Variants in MCTP1 observed in about 807,000 individuals in gnomAD.
MCTP1 encodes the protein multiple C2 and transmembrane domain containing 1.
MCTP1 carries 69 observed loss-of-function variants against 120.6 expected under a neutral mutation model. That is an observed-to-expected ratio of 0.57 (90% confidence interval 0.47 to 0.70). The LOEUF (loss-of-function observed/expected upper bound fraction) is 0.70. MCTP1 is among the 30% of genes least tolerant of loss of function. The pLI is 0.00. For missense variants in MCTP1, 1,203 were observed against 1,248.8 expected (o/e 0.96, Z 0.55); for synonymous variants, 529 against 493.1 (o/e 1.07, Z -0.96).
Position 95,178,359 on chromosome 5 carries a change from C to A in MCTP1, c.720+105497G>T, listed in dbSNP as rs571300074. 3.5e-4 allele frequency among the ~76,000 whole-genome samples: 53 copies of A among 152,338 alleles called. 1 individual carries two copies. In the South Asian group the frequency reaches 0.011, roughly 31 times the overall value. ...CTTATACAGCTGCAGCTGATACGCT[C>A]TGGAAAATGAGACAGAGTCTTGCTC... On this transcript the variant is annotated intron_variant, in intron 1 of 22. Coordinates refer to ENST00000515393, the MANE Select transcript of MCTP1 (RefSeq NM_024717.7).
In MCTP1 at chr5:94,846,563, T is replaced by A. The variant is rs531088574; in HGVS notation, c.2436+21770A>T. ...AATACCTATCAGGTGCTATGCTTAC[T>A]ACCTGGGTAATGGAATTATCTGTAT... On this transcript the variant is annotated intron_variant, in intron 17 of 22. Coordinates refer to ENST00000515393, the MANE Select transcript of MCTP1 (RefSeq NM_024717.7). 7.6e-4 allele frequency among the ~76,000 whole-genome samples: 116 copies of A among 152,344 alleles called. 1 individual carries two copies. Among genetic ancestry groups the A allele is most frequent in the South Asian group, 3.9e-3 (19 of 4,820 alleles).
intron 19 of MCTP1, among the ~76,000 whole-genome samples, chr5:94,727,200 TCAGCAGGAC>T (rs2152681990): frequency 6.6e-6 from 1 of 152,302 alleles, no homozygotes; most frequent in Non-Finnish European, 1.5e-5. Flanking sequence ...GAGGAGGTGG[TCAGCAGGAC>T]CAGGGTTCAG....
At chr5:95,078,737 T>C (rs1054121171) in intron 1 of MCTP1, among the ~76,000 whole-genome samples, 8 of 152,184 alleles carry the variant, frequency 5.3e-5, no homozygotes, top group Admixed American at 1.3e-4. Context: ...CCTACCTAGG[T>C]TCAATTCTGG....
chr5:95,152,355 A>T (rs1485548227), intron 1 of MCTP1, among the ~76,000 whole-genome samples: 3 of 152,248 alleles, frequency 2.0e-5, no homozygotes, highest in Non-Finnish European at 4.4e-5. Context: ...TCAGACTGAA[A>T]TTCAATAGCC....
intron 12 of MCTP1, among the ~76,000 whole-genome samples, chr5:94,874,541 T>G (rs537927591): frequency 1.4e-4 from 21 of 152,264 alleles, no homozygotes; most frequent in Non-Finnish European, 2.2e-4. Flanking sequence ...CATGGTAGTC[T>G]TCTCAATTTT....
chr5:94,708,124 T>C (rs12519472), intron 22 of MCTP1: 23,128 of 158,398 alleles, frequency 0.15, 1,896 homozygotes, highest in East Asian at 0.32. Context: ...CTTCAAAACT[T>C]ACTTGTAACT....
chr5:94,731,895 A>G (rs1352158095), intron 19 of MCTP1, among the ~76,000 whole-genome samples: 1 of 152,220 alleles, frequency 6.6e-6, no homozygotes, highest in African/African-American at 2.4e-5. Flanking sequence ...TCTGAGAATA[A>G]TTTAGATACT....
At chr5:94,711,771 CAAAAAGG>C (rs1217058030) in intron 20 of MCTP1, among the ~76,000 whole-genome samples, 1 of 148,332 alleles carries the variant, frequency 6.7e-6, no homozygotes, top group East Asian at 2.0e-4. Context: ...TTTACTGAGA[CAAAAAGG>C]GAAAAGAAAA....
chr5:94,788,360 T>C (rs907300593), intron 18 of MCTP1, among the ~76,000 whole-genome samples: 23 of 152,190 alleles, frequency 1.5e-4, no homozygotes, highest in Non-Finnish European at 7.3e-5. Flanking sequence ...AGGTATCTCA[T>C]ACAACGCTTT....
intron 17 of MCTP1, among the ~76,000 whole-genome samples, chr5:94,813,778 G>A (rs576406245): frequency 7.2e-5 from 11 of 152,060 alleles, no homozygotes; most frequent in African/African-American, 2.4e-4. Context: ...ACTTGAGTTT[G>A]GAGGTCAAGT....
At chr5:95,106,915 C>T (rs990883495) in intron 1 of MCTP1, among the ~76,000 whole-genome samples, 1 of 152,150 alleles carries the variant, frequency 6.6e-6, no homozygotes, top group African/African-American at 2.4e-5. Flanking sequence ...TATATTTTTA[C>T]AAGCTAATAA....
rs777127080 is a variant in MCTP1, at chr5:94,931,973, T to C, written c.1192A>G (p.Ser398Gly). Residue 398 changes from serine to glycine, a missense_variant, in exon 6 of 23, where the codon AGT (serine) becomes GGT (glycine). Physicochemically the swap from Ser to Gly is moderately conservative, Grantham distance 56 (BLOSUM62 0). Coordinates refer to ENST00000515393, the MANE Select transcript of MCTP1 (RefSeq NM_024717.7). ...SRDVTMLMRK[S>G]WKRSSKELSE... ...ATTACCTTACTTGATCTTTTCCAAC[T>C]CTTCCTCATTAGCATTGTCTGTAAA... 4 of 1,603,854 alleles carry C rather than the reference T, an allele frequency of 2.5e-6. No individual in the cohort carries two copies. The highest frequency in any genetic ancestry group is 3.4e-6 in the Non-Finnish European group (4 of 1,172,122).
intron 12 of MCTP1, among the ~76,000 whole-genome samples, chr5:94,884,304 A>G (rs904843923): frequency 6.6e-6 from 1 of 152,216 alleles, no homozygotes; most frequent in Non-Finnish European, 1.5e-5. Flanking sequence ...GGCTCAATTA[A>G]TTGTACAGAG....
At chr5:95,094,657 A>T (rs954253396) in intron 1 of MCTP1, among the ~76,000 whole-genome samples, 9 of 152,250 alleles carry the variant, frequency 5.9e-5, no homozygotes, top group African/African-American at 2.2e-4. Flanking sequence ...ACATTTCTTC[A>T]TAAGCGGATA....
At chr5:95,172,368 G>T (rs573707091) in intron 1 of MCTP1, among the ~76,000 whole-genome samples, 15 of 152,214 alleles carry the variant, frequency 9.9e-5, no homozygotes, top group Non-Finnish European at 2.2e-4. Context: ...ACCCACTTGA[G>T]GAGGCAGTCT....
chr5:95,187,199 G>A (rs1046033824), intron 1 of MCTP1, among the ~76,000 whole-genome samples: 4 of 152,202 alleles, frequency 2.6e-5, no homozygotes, highest in Non-Finnish European at 4.4e-5. Context: ...TGGAAGCAAC[G>A]TAAGTGTCCA....
At chr5:94,930,067 C>T (rs1179995182) in intron 6 of MCTP1, among the ~76,000 whole-genome samples, 1 of 151,788 alleles carries the variant, frequency 6.6e-6, no homozygotes, top group Non-Finnish European at 1.5e-5. Context: ...AAAATGCATC[C>T]GTTCGAATAT....
intron 19 of MCTP1, among the ~76,000 whole-genome samples, chr5:94,740,318 C>G (rs1007440144): frequency 6.6e-6 from 1 of 152,130 alleles, no homozygotes; most frequent in African/African-American, 2.4e-5. Context: ...TATAAATAAC[C>G]AAACTCTCTC....
chr5:95,139,661 T>G (rs1439993411), intron 1 of MCTP1, among the ~76,000 whole-genome samples: 1 of 152,230 alleles, frequency 6.6e-6, no homozygotes, highest in Non-Finnish European at 1.5e-5. Context: ...TATTTTTAGT[T>G]ACATATCCAA....
Sources: allele counts gnomAD v4.1 joint callset (sites outside exome capture counted in the v4.1 genomes callset), GRCh38; gene constraint gnomAD v4.1.1; transcripts MANE v1.5; gene names NCBI Gene and HGNC (gene_info 2026-07-23, HGNC 2026-07-21).